PCDH11X: variants seen among roughly 807,000 people sequenced by gnomAD.
The protein encoded by PCDH11X is protocadherin 11 X-linked, also known as protocadherin-11 X-linked.
A neutral mutation model predicts 53.3 loss-of-function variants in PCDH11X; 18 were observed. That is an observed-to-expected ratio of 0.34 (90% confidence interval 0.23 to 0.50). The LOEUF is 0.50. Ranked by LOEUF, PCDH11X falls within the 20% of genes least tolerant of loss-of-function variation. PCDH11X has a pLI of 0.98. For missense variants in PCDH11X, 570 were observed against 1,032.4 expected (o/e 0.55, Z 6.14); for synonymous variants, 279 against 393.3 (o/e 0.71, Z 3.44).
intron 6 of PCDH11X, among the ~76,000 whole-genome samples, chrX:91,969,890 T>C (rs2061926516): frequency 9.0e-6 from 1 of 110,536 alleles, no homozygotes; most frequent in Non-Finnish European, 1.9e-5. Flanking sequence ...CCTAGAATCC[T>C]GATTCTGCCA....
chrX:92,487,067 T>TTTC (rs1404738961), intron 10 of PCDH11X, among the ~76,000 whole-genome samples: 1 of 88,491 alleles, frequency 1.1e-5, no homozygotes, highest in East Asian at 4.4e-4. Context: ...TTTTTTTTTT[T>TTTC]TTTGAGACAG....
intron 6 of PCDH11X, among the ~76,000 whole-genome samples, chrX:92,037,906 T>G (rs1356822753): frequency 2.8e-5 from 3 of 107,820 alleles, no homozygotes; most frequent in African/African-American, 1.0e-4. Flanking sequence ...GTGGGTTTTT[T>G]TTTTTTTTTT....
intron 10 of PCDH11X, among the ~76,000 whole-genome samples, chrX:92,588,767 C>T (rs1374264609): frequency 2.0e-3 from 222 of 109,923 alleles, no homozygotes; most frequent in Middle Eastern, 9.3e-3. Flanking sequence ...TATTGAATAA[C>T]AGAGAACTTC....
chrX:92,132,529 A>T (rs56378922), intron 6 of PCDH11X, among the ~76,000 whole-genome samples: 96 of 101,175 alleles, frequency 9.5e-4, no homozygotes, highest in African/African-American at 3.3e-3. Flanking sequence ...AATCGCTTGA[A>T]CCCGGGAGGC....
Position 91,944,732 on chromosome X carries a change from T to C in PCDH11X, c.3033+65459T>C, listed in dbSNP as rs779517660. 2.5e-3 allele frequency among the ~76,000 whole-genome samples: 272 copies of C among 109,907 alleles called. 1 individual carries two copies. The highest frequency in any genetic ancestry group is 5.3e-3 in the South Asian group (14 of 2,624). ...TTTTTAAATGGATTTACACATTTAATGAAACCATGTAAGATGAAACTAGGA... is the reference window on the plus strand; with the variant it reads ...TTTTTAAATGGATTTACACATTTAACGAAACCATGTAAGATGAAACTAGGA... On this transcript the variant is annotated intron_variant, in intron 6 of 10. Transcript: ENST00000682573.
intron 7 of PCDH11X, among the ~76,000 whole-genome samples, chrX:92,218,792 T>TC (rs1282571309): frequency 5.4e-5 from 6 of 111,002 alleles, no homozygotes; most frequent in Non-Finnish European, 1.1e-4. Context: ...GATGCAAAAA[T>TC]CTCAATAAAA....
chrX:92,199,217 T>C (rs1569418060), intron 6 of PCDH11X, among the ~76,000 whole-genome samples: 3 of 111,944 alleles, frequency 2.7e-5, no homozygotes, highest in Admixed American at 9.5e-5. Flanking sequence ...CTTAGAAGTA[T>C]TATTTTTTAT....
chrX:92,563,104 A>G (rs1432219103), intron 10 of PCDH11X, among the ~76,000 whole-genome samples: 2 of 81,230 alleles, frequency 2.5e-5, no homozygotes, highest in African/African-American at 9.6e-5. Context: ...ACACTGGGAA[A>G]TTTATAAAGT....
At chrX:92,238,727 T>C (rs773307243) in intron 7 of PCDH11X, among the ~76,000 whole-genome samples, 27 of 111,710 alleles carry the variant, frequency 2.4e-4, no homozygotes, top group Non-Finnish European at 4.9e-4. Context: ...TAAATAAATA[T>C]TGCCTATAAA....
intron 10 of PCDH11X, among the ~76,000 whole-genome samples, chrX:92,474,726 G>A (rs1361122442): frequency 1.0e-5 from 1 of 97,571 alleles, no homozygotes; most frequent in Non-Finnish European, 2.0e-5. Context: ...TAAAAATGTA[G>A]AGAAAACTCA....
intron 6 of PCDH11X, among the ~76,000 whole-genome samples, chrX:91,987,366 G>A (rs1330782369): frequency 8.9e-6 from 1 of 111,894 alleles, no homozygotes; most frequent in East Asian, 2.8e-4. Flanking sequence ...ACAGGCATGA[G>A]CCACCACACT....
chrX:91,823,416 T>C (rs1475966514), intron 4 of PCDH11X, among the ~76,000 whole-genome samples: 4 of 111,363 alleles, frequency 3.6e-5, no homozygotes, highest in Non-Finnish European at 5.7e-5. Flanking sequence ...TTGATCCCTT[T>C]ACCATTATGG....
chrX:92,122,815 T>G (rs926158838), intron 6 of PCDH11X, among the ~76,000 whole-genome samples: 1 of 110,478 alleles, frequency 9.1e-6, no homozygotes, highest in African/African-American at 3.3e-5. Context: ...CGGGCACCTG[T>G]AATTCCAGCT....
chrX:92,062,302 C>T (rs1478913953), intron 6 of PCDH11X, among the ~76,000 whole-genome samples: 1 of 110,855 alleles, frequency 9.0e-6, no homozygotes, highest in Admixed American at 9.7e-5. Flanking sequence ...ATTAAGATGC[C>T]TTTTATCTTT....
At chrX:91,905,169 A>T (rs1302922400) in intron 6 of PCDH11X, among the ~76,000 whole-genome samples, 1 of 106,635 alleles carries the variant, frequency 9.4e-6, no homozygotes, top group African/African-American at 3.4e-5. Context: ...TCACTCTGTC[A>T]CCCAGGCTGG....
intron 9 of PCDH11X, among the ~76,000 whole-genome samples, chrX:92,427,950 T>C (rs1384434665): frequency 2.5e-5 from 2 of 80,585 alleles, no homozygotes; most frequent in Non-Finnish European, 4.7e-5. Flanking sequence ...ATAGAATTGA[T>C]TGAGCTTGCT....
rs760855089 is a variant in PCDH11X at position 91,836,017 on chromosome X, C to T, written c.513C>T (p.Asn171=). The part of the protein sequence containing the change: ...PAAVDPDVGI[N]GVQNYELIKS... ...CTGTTGATCCTGACGTAGGAATAAA[C>T]GGAGTTCAAAACTACGAACTAATTA... The change falls in exon 5 of 11, where the codon AAC becomes AAT. Residue 171 remains asparagine, a synonymous_variant. Transcript: ENST00000682573. 3.7e-5 allele frequency: 45 copies of T among 1,208,489 alleles called. No homozygotes were observed. In the South Asian group the frequency reaches 7.2e-4, roughly 19 times the overall value.
chrX:91,922,692 T>C (rs1231137985), intron 6 of PCDH11X, among the ~76,000 whole-genome samples: 1 of 112,341 alleles, frequency 8.9e-6, no homozygotes, highest in African/African-American at 3.2e-5. Context: ...AATGCCTGAC[T>C]ATCTGAAGTG....
intron 4 of PCDH11X, among the ~76,000 whole-genome samples, chrX:91,818,128 C>T (rs894787043): frequency 1.8e-5 from 2 of 111,423 alleles, no homozygotes; most frequent in African/African-American, 3.3e-5. Context: ...AAATGAAATA[C>T]TGGCCATTTT....
Sources: allele counts gnomAD v4.1 joint callset (sites outside exome capture counted in the v4.1 genomes callset), GRCh38; gene constraint gnomAD v4.1.1; transcripts MANE v1.5; gene names NCBI Gene and HGNC (gene_info 2026-07-23, HGNC 2026-07-21).